Variants in GALNTL6 observed in about 807,000 individuals in gnomAD.
GALNTL6 encodes the protein polypeptide N-acetylgalactosaminyltransferase-like 6.
A neutral mutation model predicts 73.7 loss-of-function variants in GALNTL6; 46 were observed. That is an observed-to-expected ratio of 0.62 (90% CI 0.49 to 0.80). GALNTL6 has a LOEUF of 0.80. Ranked by LOEUF, GALNTL6 falls within the 30% of genes least tolerant of loss-of-function variation. The probability of loss-of-function intolerance (pLI) is 0.00; values close to 1 mark genes in which losing one functional copy is unlikely to be tolerated. For missense variants in GALNTL6, 604 were observed against 755.0 expected, an observed-to-expected ratio of 0.80 and a Z score of 2.34; for synonymous variants, 259 against 263.7, an observed-to-expected ratio of 0.98 and a Z score of 0.17.
intron 3 of GALNTL6, among the ~76,000 whole-genome samples, chr4:172,276,005 T>C (rs1375981266): frequency 6.6e-6 from 1 of 152,160 alleles, no homozygotes; most frequent in Admixed American, 6.6e-5. Flanking sequence ...TCCACTTTGG[T>C]AGAGATGTTA....
chr4:172,565,482 C>T (rs2110935695), intron 5 of GALNTL6, among the ~76,000 whole-genome samples: 1 of 152,238 alleles, frequency 6.6e-6, no homozygotes, highest in Non-Finnish European at 1.5e-5. Context: ...TCTTCATGTG[C>T]AGTAGAATTT....
intron 2 of GALNTL6, among the ~76,000 whole-genome samples, chr4:172,092,280 A>C (rs1312799992): frequency 6.6e-6 from 1 of 152,178 alleles, no homozygotes. Flanking sequence ...TACGACTAAT[A>C]ACATATACCA....
At chr4:172,974,212 T>C (rs1750708381) in intron 10 of GALNTL6, among the ~76,000 whole-genome samples, 1 of 152,148 alleles carries the variant, frequency 6.6e-6, no homozygotes, top group Non-Finnish European at 1.5e-5. Context: ...CATTCAAAGT[T>C]TATATTTAGG....
intron 2 of GALNTL6, among the ~76,000 whole-genome samples, chr4:172,036,057 G>A (rs1268849099): frequency 6.6e-6 from 1 of 152,030 alleles, no homozygotes; most frequent in Non-Finnish European, 1.5e-5. Flanking sequence ...TAATAATTGA[G>A]TTATTTTTAC....
chr4:172,963,413 T>C (rs1750176756), intron 10 of GALNTL6, among the ~76,000 whole-genome samples: 1 of 152,172 alleles, frequency 6.6e-6, no homozygotes, highest in South Asian at 2.1e-4. Context: ...ACAAGCCATG[T>C]AATTTATTTT....
intron 5 of GALNTL6, among the ~76,000 whole-genome samples, chr4:172,731,895 A>T (rs1736171442): frequency 6.6e-6 from 1 of 152,096 alleles, no homozygotes; most frequent in South Asian, 2.1e-4. Context: ...CATATTTTTC[A>T]GAGAAAATAC....
chr4:172,681,603 T>C (rs1317764597), intron 5 of GALNTL6, among the ~76,000 whole-genome samples: 1 of 152,204 alleles, frequency 6.6e-6, no homozygotes, highest in Non-Finnish European at 1.5e-5. Context: ...TCTAATTAAA[T>C]TGTAACTTAA....
At chr4:172,383,128 TG>T (rs1348916499) in intron 5 of GALNTL6, among the ~76,000 whole-genome samples, 1 of 152,058 alleles carries the variant, frequency 6.6e-6, no homozygotes, top group East Asian at 1.9e-4. Flanking sequence ...TACATTCTCA[TG>T]TATATTTTAG....
chr4:172,023,770 T>A (rs1741471993), intron 2 of GALNTL6, among the ~76,000 whole-genome samples: 1 of 151,878 alleles, frequency 6.6e-6, no homozygotes, highest in African/African-American at 2.4e-5. Context: ...TTCGAGTAAG[T>A]TGTATAGTCC....
intron 5 of GALNTL6, among the ~76,000 whole-genome samples, chr4:172,524,037 A>G (rs967520104): frequency 6.6e-6 from 1 of 152,152 alleles, no homozygotes; most frequent in Admixed American, 6.6e-5. Context: ...TGGTAATTGT[A>G]TCCTGAATAT....
In GALNTL6 at chr4:171,900,468, C is replaced by A. The variant is rs541416887; in HGVS notation, c.138+85750C>A. Reference sequence around the variant, plus strand: ...GACTACAGGTGTGTGCCACCACACTCGGCTAATTTTTTGTATTTTTTTTTT... The same window carrying A: ...GACTACAGGTGTGTGCCACCACACTAGGCTAATTTTTTGTATTTTTTTTTT... On this transcript the variant is annotated intron_variant, in intron 2 of 12. Transcript: ENST00000506823. Among the ~76,000 whole-genome samples the A allele has an allele frequency of 1.5e-3, 208 of 140,620 alleles. 1 individual carries two copies. The highest frequency in any genetic ancestry group is 5.5e-3 in the African/African-American group (198 of 35,924). 92.3% of individuals were successfully genotyped at this position (140,620 alleles called of 152,430 possible). A position where few individuals can be genotyped will look rare whatever the true frequency, so the allele number is the denominator to read the frequency against.
At chr4:172,948,930 AT>A (rs1343554034) in intron 9 of GALNTL6, among the ~76,000 whole-genome samples, 2 of 152,102 alleles carry the variant, frequency 1.3e-5, no homozygotes, top group African/African-American at 4.8e-5. Flanking sequence ...TCTTTTACTT[AT>A]TGATATTGCC....
intron 2 of GALNTL6, among the ~76,000 whole-genome samples, chr4:172,204,936 A>G (rs1229370652): frequency 6.6e-6 from 1 of 152,178 alleles, no homozygotes; most frequent in Non-Finnish European, 1.5e-5. Context: ...TACAATTTCT[A>G]TTGATGAAGA....
At chr4:172,337,521 C>T (rs1235391637) in intron 4 of GALNTL6, among the ~76,000 whole-genome samples, 1 of 151,950 alleles carries the variant, frequency 6.6e-6, no homozygotes, top group East Asian at 1.9e-4. Context: ...AAATGTTTCT[C>T]TTTTGCTTAA....
intron 5 of GALNTL6, among the ~76,000 whole-genome samples, chr4:172,533,127 T>C (rs1182010190): frequency 6.6e-6 from 1 of 151,264 alleles, no homozygotes; most frequent in East Asian, 2.0e-4. Flanking sequence ...TTCTCCTGCC[T>C]CAGCCTCCTG....
At position 172,200,438 on chromosome 4, in the gene GALNTL6, A is replaced by G. The variant is rs527564928; in HGVS notation, c.139-29218A>G. ...GGTGCTTTTCTGATGTTTGGGACTA[A>G]TTATTTCCATGAATACAAACGTCAG... On this transcript the variant is annotated intron_variant, in intron 2 of 12. Transcript: ENST00000506823. Among the ~76,000 whole-genome samples the G allele has an allele frequency of 2.3e-4, 35 of 152,266 alleles. No individual in the cohort carries two copies. In the South Asian group the frequency reaches 6.8e-3, roughly 30 times the overall value.
At position 172,138,102 on chromosome 4, in the gene GALNTL6, T is replaced by A. The variant is rs537780068; in HGVS notation, c.139-91554T>A. Among the ~76,000 whole-genome samples the A allele has an allele frequency of 2.6e-5, 4 of 152,216 alleles. No individual in the cohort carries two copies. The East Asian group carries it at 7.7e-4, about 29-fold the overall frequency. Reference sequence around the variant, plus strand: ...TAGGTTCTAAAAGCATTTGAAAATATCAGCTTTAGCAGCACAAACCATTCT... The same window carrying A: ...TAGGTTCTAAAAGCATTTGAAAATAACAGCTTTAGCAGCACAAACCATTCT... On this transcript the variant is annotated intron_variant, in intron 2 of 12. Transcript: ENST00000506823.
intron 9 of GALNTL6, among the ~76,000 whole-genome samples, chr4:172,941,094 T>A (rs1222732043): frequency 6.6e-6 from 1 of 152,228 alleles, no homozygotes; most frequent in Non-Finnish European, 1.5e-5. Flanking sequence ...TTAATTTAAA[T>A]TTTTCAAATA....
At chr4:171,826,303 CA>C (rs1354241843) in intron 2 of GALNTL6, among the ~76,000 whole-genome samples, 2 of 152,152 alleles carry the variant, frequency 1.3e-5, no homozygotes, top group African/African-American at 4.8e-5. Flanking sequence ...CTGCCATTTG[CA>C]TGGGTGTTTT....
Sources: gnomAD v4.1 joint callset for allele counts (sites outside exome capture counted in the v4.1 genomes callset) on GRCh38, gnomAD v4.1.1 for gene constraint, MANE v1.5 for transcripts, NCBI Gene and HGNC (gene_info 2026-07-23, HGNC 2026-07-21) for gene names.